TPMT: variants seen among roughly 807,000 people sequenced by gnomAD.
TPMT encodes the protein S-adenosyl-L-methionine:thiopurine S-methyltransferase.
Under a neutral mutation model 34.2 loss-of-function variants are expected in TPMT, and 18 were observed. The observed-to-expected ratio is 0.53, with a 90% CI of 0.36 to 0.78. The LOEUF is 0.78. Among genes scored for constraint, TPMT ranks in the 30% least tolerant of loss-of-function variants. The pLI is 0.00. For synonymous variants in TPMT, 69 were observed against 92.4 expected (o/e 0.75, Z 1.45); for missense variants, 265 against 288.1 (o/e 0.92, Z 0.58).
rs112365735 is a variant in TPMT, at chr6:18,149,410, C to T, written c.-44-239G>A. ...GGTTCAAGCAATTCTGCTGCCTCAG[C>T]CTCCCAAGTAGCTGGGACTGCAGGT... On this transcript the variant is annotated intron_variant, in intron 1 of 8. Coordinates refer to ENST00000309983, the MANE Select transcript of TPMT (RefSeq NM_000367.5). This position sits in a 1 kb window ranked among gnomAD's most constrained non-coding sequence, Gnocchi z 5.0. Among the ~76,000 whole-genome samples the T allele has an allele frequency of 1.1e-4, 17 of 152,118 alleles. No individual in the cohort carries two copies. The highest frequency in any genetic ancestry group is 3.9e-4 in the African/African-American group (16 of 41,526).
chr6:18,145,993 CT>C lies in TPMT; in HGVS notation c.233+1829del. 6.6e-6 allele frequency among the ~76,000 whole-genome samples: 1 copy of C among 152,080 alleles called. No homozygotes were observed. Among genetic ancestry groups the C allele is most frequent in the Non-Finnish European group, 1.5e-5 (1 of 68,016 alleles). On this transcript the variant is annotated intron_variant, in intron 3 of 8. Transcript: ENST00000309983. This position sits in a 1 kb window ranked among gnomAD's most constrained non-coding sequence, Gnocchi z 5.6. ...GTCTCAAAAAACCAAAAACCTAAAC[CT>C]AAATATCTTAAACATTTTGTTTTAA...
chr6:18,154,349 T>G lies in TPMT; in HGVS notation c.-45+684A>C, dbSNP rs1784430957. Among the ~76,000 whole-genome samples the G allele has an allele frequency of 6.6e-6, 1 of 152,188 alleles. No homozygotes were observed. The highest frequency in any genetic ancestry group is 2.4e-5 in the African/African-American group (1 of 41,450). ...CTCCATTCTCACCTTTTCAAAAGCTTCTGCTATAGTTTTGTTTTTAAATTT... is the reference window on the plus strand; with the variant it reads ...CTCCATTCTCACCTTTTCAAAAGCTGCTGCTATAGTTTTGTTTTTAAATTT... On this transcript the variant is annotated intron_variant, in intron 1 of 8. Coordinates refer to ENST00000309983, the MANE Select transcript of TPMT (RefSeq NM_000367.5). The surrounding 1 kb of genome is among the most constrained non-coding windows in gnomAD (Gnocchi z 4.2).
At chr6:18,142,601 T>C (rs1008931418) in intron 4 of TPMT, among the ~76,000 whole-genome samples, 47 of 151,916 alleles carry the variant, frequency 3.1e-4, no homozygotes, top group African/African-American at 1.1e-3. Context: ...CCCACTTGGG[T>C]AGTGTTTGTT....
In TPMT at chr6:18,143,676, T is replaced by C; in HGVS notation, c.286A>G (p.Ile96Val). The change falls in exon 4 of 9, where the codon ATA becomes GTA. Residue 96 changes from isoleucine to valine, a missense_variant. Coordinates refer to ENST00000309983, the MANE Select transcript of TPMT (RefSeq NM_000367.5). The surrounding 1 kb of genome is among the most constrained non-coding windows in gnomAD (Gnocchi z 6.1). ...TTCTGCTCTGTAAAAAATTCTTGTA[T>C]CCCAAGTTCACTGATTTCCACACCA... Reference protein sequence around the residue: ...VVGVEISELGIQEFFTEQNLS... With the variant: ...VVGVEISELGVQEFFTEQNLS... 1 of 1,614,102 alleles carries C rather than the reference T, an allele frequency of 6.2e-7. No homozygotes were observed. The highest frequency in any genetic ancestry group is 8.5e-7 in the Non-Finnish European group (1 of 1,180,004).
In TPMT at chr6:18,131,501, G is replaced by A. The variant is rs1273618151; in HGVS notation, c.625+632C>T. On this transcript the variant is annotated intron_variant, in intron 8 of 8. Transcript: ENST00000309983. This position sits in a 1 kb window ranked among gnomAD's most constrained non-coding sequence, Gnocchi z 4.3. Reference sequence around the variant, plus strand: ...AGGCTGAGGTGGGAGGATCACTTGTGCCCAGGGAGGTCGAGGCTGCAGTGA... The same window carrying A: ...AGGCTGAGGTGGGAGGATCACTTGTACCCAGGGAGGTCGAGGCTGCAGTGA... Among the ~76,000 whole-genome samples the A allele has an allele frequency of 6.6e-6, 1 of 151,962 alleles. No homozygotes were observed. Among genetic ancestry groups the A allele is most frequent in the African/African-American group, 2.4e-5 (1 of 41,372 alleles).
rs1784295070 is a variant in TPMT, at chr6:18,148,738, G to T, written c.140+250C>A. On this transcript the variant is annotated intron_variant, in intron 2 of 8. Transcript: ENST00000309983. The surrounding 1 kb of genome is among the most constrained non-coding windows in gnomAD (Gnocchi z 4.1). ...ATACATAGGTGCCGTAGGGATCAAA[G>T]AACATATTTTATAAATCTAAGATGT... is the stretch of plus-strand genomic sequence containing the variant. Among the ~76,000 whole-genome samples, 1 of 152,068 alleles carries T rather than the reference G, an allele frequency of 6.6e-6. No individual in the cohort carries two copies. Among genetic ancestry groups the T allele is most frequent in the Non-Finnish European group, 1.5e-5 (1 of 68,006 alleles).
intron 6 of TPMT, among the ~76,000 whole-genome samples, chr6:18,137,964 G>A (rs1784073216): frequency 6.6e-6 from 1 of 152,086 alleles, no homozygotes; most frequent in Admixed American, 6.5e-5. Context: ...ATTTTTAGTA[G>A]AGATGGGGTT....
chr6:18,129,551 T>C lies in TPMT; in HGVS notation c.*1117A>G, dbSNP rs1401791298. On this transcript the variant is annotated 3_prime_UTR_variant, in exon 9 of 9. Transcript: ENST00000309983. ...TTAGTTGTTGGGTAGTACAGAGTTA[T>C]AGAGGACTGTCTGATATAACAAAAT... 3 of 152,196 alleles carry C rather than the reference T, an allele frequency of 2.0e-5. No individual in the cohort carries two copies. Among genetic ancestry groups the C allele is most frequent in the East Asian group, 3.8e-4 (2 of 5,196 alleles). The allele number at this position is 152,196 out of a possible 1,614,324, so 9.4% of individuals were successfully genotyped here.
rs764929292 is a variant in TPMT, at chr6:18,143,805, TA to T, written c.234-78del. 11 of 1,553,088 alleles carry T rather than the reference TA, an allele frequency of 7.1e-6. No individual in the cohort carries two copies. Among genetic ancestry groups the T allele is most frequent in the Non-Finnish European group, 9.6e-6 (11 of 1,141,352 alleles). ...AGAGGGTTATATTAGAGTAAGCATA[TA>T]TTTTCTTTAATTTAGAGGAATTTAT... On this transcript the variant is annotated intron_variant, in intron 3 of 8. Coordinates refer to ENST00000309983, the MANE Select transcript of TPMT (RefSeq NM_000367.5). This position sits in a 1 kb window ranked among gnomAD's most constrained non-coding sequence, Gnocchi z 6.1.
Position 18,154,687 on chromosome 6 carries a change from C to T in TPMT, c.-45+346G>A, listed in dbSNP as rs564887078. Reference sequence around the variant, plus strand: ...ACCGAGGAGGCTGGGGCGGGAAGATCACTTGAGCCCAGGAGTTCCAGGTTA... The same window carrying T: ...ACCGAGGAGGCTGGGGCGGGAAGATTACTTGAGCCCAGGAGTTCCAGGTTA... On this transcript the variant is annotated intron_variant, in intron 1 of 8. Coordinates refer to ENST00000309983, the MANE Select transcript of TPMT (RefSeq NM_000367.5). This position sits in a 1 kb window ranked among gnomAD's most constrained non-coding sequence, Gnocchi z 4.2. Among the ~76,000 whole-genome samples, 4 of 152,064 alleles carry T rather than the reference C, an allele frequency of 2.6e-5. No homozygotes were observed. The highest frequency in any genetic ancestry group is 5.9e-5 in the Non-Finnish European group (4 of 68,014).
intron 1 of TPMT, among the ~76,000 whole-genome samples, chr6:18,152,342 G>A (rs907478018): frequency 6.6e-6 from 1 of 151,658 alleles, no homozygotes; most frequent in Admixed American, 6.6e-5. Flanking sequence ...AGTACTTTAT[G>A]CCTTAAAAAA....
In TPMT at chr6:18,132,254, C is replaced by T; in HGVS notation, c.581-77G>A. On this transcript the variant is annotated intron_variant, in intron 7 of 8. Transcript: ENST00000309983. The surrounding 1 kb of genome is among the most constrained non-coding windows in gnomAD (Gnocchi z 4.8). ...CTTGTTCTACATACAACTTCATTAT[C>T]CAAATAGGTGATGATGTGGCATGTT... is the stretch of plus-strand genomic sequence containing the variant. The T allele has an allele frequency of 7.4e-7, 1 of 1,353,522 alleles. No individual in the cohort carries two copies. Among genetic ancestry groups the T allele is most frequent in the East Asian group, 2.3e-5 (1 of 42,908 alleles). The allele number at this position is 1,353,522 out of a possible 1,614,324, so 83.8% of individuals were successfully genotyped here.
Position 18,133,841 on chromosome 6 carries a change from G to A in TPMT, c.543C>T (p.Leu181=). 1 of 1,612,422 alleles carries A rather than the reference G, an allele frequency of 6.2e-7. No homozygotes were observed. The highest frequency in any genetic ancestry group is 1.1e-5 in the South Asian group (1 of 91,008). ...FSLLGKKFQY[L]LCVLSYDPTK... ...TTGGATCATAAGAAAGAACACACAG[G>A]AGATACTGAAACTTCTTTCCCAGGA... The change falls in exon 7 of 9, where the codon CTC becomes CTT. Residue 181 remains leucine (L), a synonymous_variant. Transcript: ENST00000309983.
rs1432845747 is a variant in TPMT, at chr6:18,132,534, G to A, written c.581-357C>T. 6.6e-6 allele frequency among the ~76,000 whole-genome samples: 1 copy of A among 152,056 alleles called. No homozygotes were observed. Among genetic ancestry groups the A allele is most frequent in the African/African-American group, 2.4e-5 (1 of 41,416 alleles). On this transcript the variant is annotated intron_variant, in intron 7 of 8. Coordinates refer to ENST00000309983, the MANE Select transcript of TPMT (RefSeq NM_000367.5). This position sits in a 1 kb window ranked among gnomAD's most constrained non-coding sequence, Gnocchi z 4.8. ...TTTTATACACCCCTCCCGCTCTGCT[G>A]CAGGATATAGAGTATAAGGAAGCTG...
Position 18,138,896 on chromosome 6 carries a change from G to T in TPMT, c.494+67C>A. 2 of 1,346,058 alleles carry T rather than the reference G, an allele frequency of 1.5e-6. No homozygotes were observed. The highest frequency in any genetic ancestry group is 2.5e-5 in the South Asian group (2 of 81,348). 83.4% of individuals were successfully genotyped at this position (1,346,058 alleles called of 1,614,324 possible). ...CATAGAAGTCTAAGCTGATTTTCTA[G>T]AACCCAGAAAAAGTATAGTATACTA... On this transcript the variant is annotated intron_variant, in intron 6 of 8. Transcript: ENST00000309983. This position sits in a 1 kb window ranked among gnomAD's most constrained non-coding sequence, Gnocchi z 4.1.
intron 4 of TPMT, among the ~76,000 whole-genome samples, chr6:18,141,632 GC>G (rs1784144056): frequency 6.6e-6 from 1 of 152,080 alleles, no homozygotes; most frequent in Non-Finnish European, 1.5e-5. Context: ...GAGCCACCAT[GC>G]CCAGCTGAGC....
At chr6:18,142,766 C>T (rs915705411) in intron 4 of TPMT, among the ~76,000 whole-genome samples, 1 of 152,098 alleles carries the variant, frequency 6.6e-6, no homozygotes, top group Non-Finnish European at 1.5e-5. Flanking sequence ...ATTCTTTCTG[C>T]CCTTCTCATT....
Position 18,139,613 on chromosome 6 carries a change from T to A in TPMT, c.419+52A>T. ...GACACCTCCACTCCCATGCCTGCAC[T>A]GCCTGGCAAGCATTCAAATTTTTTA... On this transcript the variant is annotated intron_variant, in intron 5 of 8. Coordinates refer to ENST00000309983, the MANE Select transcript of TPMT (RefSeq NM_000367.5). The surrounding 1 kb of genome is among the most constrained non-coding windows in gnomAD (Gnocchi z 4.2). The A allele has an allele frequency of 3.4e-6, 5 of 1,462,134 alleles. No individual in the cohort carries two copies. Among genetic ancestry groups the A allele is most frequent in the Non-Finnish European group, 4.8e-6 (5 of 1,042,802 alleles). 90.6% of individuals were successfully genotyped at this position (1,462,134 alleles called of 1,614,324 possible).
Position 18,136,252 on chromosome 6 carries a change from G to A in TPMT, c.495-2363C>T, listed in dbSNP as rs1442559181. ...GGTTTCATATACAAATGTGTCTCAC[G>A]GAGACAGAGGTCTCGGTGATATTTT... On this transcript the variant is annotated intron_variant, in intron 6 of 8. Coordinates refer to ENST00000309983, the MANE Select transcript of TPMT (RefSeq NM_000367.5). The surrounding 1 kb of genome is among the most constrained non-coding windows in gnomAD (Gnocchi z 4.7). Among the ~76,000 whole-genome samples the A allele has an allele frequency of 1.3e-5, 2 of 151,866 alleles. No homozygotes were observed. The highest frequency in any genetic ancestry group is 2.9e-5 in the Non-Finnish European group (2 of 67,986).
Sources: allele counts gnomAD v4.1 joint callset (sites outside exome capture counted in the v4.1 genomes callset), GRCh38; gene constraint gnomAD v4.1.1; non-coding constraint Gnocchi (gnomAD v3.1); transcripts MANE v1.5; gene names NCBI Gene and HGNC (gene_info 2026-07-23, HGNC 2026-07-21).